The following EYS variants were observed in gnomAD, a reference collection of about 807,000 sequenced individuals.
EYS encodes the protein EGF-like photoreceptor maintenance factor.
A neutral mutation model predicts 282.1 loss-of-function variants in EYS; 250 were observed. The ratio of observed to expected loss-of-function variants is 0.89; its 90% CI spans 0.80 to 0.98. The LOEUF is 0.98. Ranked by LOEUF, EYS falls within the 50% of genes least tolerant of loss-of-function variation. The probability of loss-of-function intolerance (pLI) is 0.00; values close to 1 mark genes in which losing one functional copy is unlikely to be tolerated. For synonymous variants in EYS, 1,355 were observed against 1,282.9 expected, an observed-to-expected ratio of 1.06 and a Z score of -1.20; for missense variants, 4,016 against 3,709.0, an observed-to-expected ratio of 1.08 and a Z score of -2.15.
intron 35 of EYS, among the ~76,000 whole-genome samples, chr6:63,935,040 C>A (rs537879811): frequency 9.9e-5 from 15 of 152,192 alleles, no homozygotes; most frequent in Non-Finnish European, 2.1e-4. Context: ...TTAATAAAAT[C>A]CAAACTCCTA....
rs61327096 is a variant in EYS, at chr6:63,895,148, T to TA, written c.7056-30791dup. Among the ~76,000 whole-genome samples the TA allele has an allele frequency of 6.7e-5, 10 of 149,330 alleles. No individual in the cohort carries two copies. In the East Asian group the frequency reaches 9.8e-4, roughly 15 times the overall value. ...TCATTAAACATGCACTTGTGAGCGA[T>TA]AAAAAAAAAAAAGAATGGAGGCATT... On this transcript the variant is annotated intron_variant, in intron 35 of 42. Coordinates refer to ENST00000503581, the MANE Select transcript of EYS (RefSeq NM_001142800.2).
chr6:65,635,235 A>C (rs1215073629), intron 2 of EYS, among the ~76,000 whole-genome samples: 1 of 152,174 alleles, frequency 6.6e-6, no homozygotes, highest in East Asian at 1.9e-4. Flanking sequence ...GCCTCTTGTC[A>C]ACAGGAAGAA....
intron 12 of EYS, among the ~76,000 whole-genome samples, chr6:65,237,089 T>C (rs935702703): frequency 6.6e-6 from 1 of 152,150 alleles, no homozygotes; most frequent in Non-Finnish European, 1.5e-5. Context: ...AAATCTAAAA[T>C]ATAAGCACAT....
chr6:64,512,962 C>T (rs1777453986), intron 26 of EYS, among the ~76,000 whole-genome samples: 1 of 150,742 alleles, frequency 6.6e-6, no homozygotes, highest in Non-Finnish European at 1.5e-5. Flanking sequence ...TTTGAAAAAG[C>T]AATGAATATA....
chr6:64,507,489 A>T (rs1264051151), intron 26 of EYS, among the ~76,000 whole-genome samples: 1 of 152,230 alleles, frequency 6.6e-6, no homozygotes, highest in Non-Finnish European at 1.5e-5. Flanking sequence ...AGAAGGGGCT[A>T]TTCATCATAT....
chr6:64,162,368 C>T (rs575302691), intron 31 of EYS, among the ~76,000 whole-genome samples: 28 of 152,286 alleles, frequency 1.8e-4, no homozygotes, highest in African/African-American at 6.0e-4. Flanking sequence ...ATGTATCCAG[C>T]TCAGCCAGGG....
chr6:65,103,516 T>A (rs1324567805), intron 12 of EYS, among the ~76,000 whole-genome samples: 3 of 151,438 alleles, frequency 2.0e-5, no homozygotes, highest in Non-Finnish European at 3.0e-5. Flanking sequence ...AGTCTTCCCA[T>A]TTTTGCCTAA....
chr6:64,556,426 A>G (rs1765234414), intron 26 of EYS, among the ~76,000 whole-genome samples: 1 of 152,074 alleles, frequency 6.6e-6, no homozygotes, highest in African/African-American at 2.4e-5. Flanking sequence ...TGAGGAGAGA[A>G]AAGCCTATCA....
At chr6:64,347,957 TTAAAGA>T (rs1210631053) in intron 29 of EYS, among the ~76,000 whole-genome samples, 2 of 151,400 alleles carry the variant, frequency 1.3e-5, no homozygotes, top group African/African-American at 2.4e-5. Flanking sequence ...CATTTTTGTA[TTAAAGA>T]TAAAGATACA....
At chr6:65,062,154 T>G (rs1773595933) in intron 12 of EYS, among the ~76,000 whole-genome samples, 1 of 151,948 alleles carries the variant, frequency 6.6e-6, no homozygotes, top group Non-Finnish European at 1.5e-5. Context: ...CAGGAACTCC[T>G]GGCTTCAATG....
intron 41 of EYS, among the ~76,000 whole-genome samples, chr6:63,756,239 A>C (rs1769480273): frequency 6.6e-6 from 1 of 152,156 alleles, no homozygotes; most frequent in African/African-American, 2.4e-5. Flanking sequence ...GTTTTTGCCC[A>C]TTCAGTATGA....
intron 28 of EYS, among the ~76,000 whole-genome samples, chr6:64,414,047 G>T (rs185674587): frequency 6.6e-6 from 1 of 152,112 alleles, no homozygotes; most frequent in African/African-American, 2.4e-5. Context: ...GTACTTCCTA[G>T]CCTTCAGAAC....
intron 35 of EYS, among the ~76,000 whole-genome samples, chr6:63,879,312 C>T (rs1773065573): frequency 6.6e-6 from 1 of 152,102 alleles, no homozygotes; most frequent in African/African-American, 2.4e-5. Context: ...ATCAATATAA[C>T]TTATTTTAAA....
chr6:64,859,822 G>T (rs150824288), intron 19 of EYS, among the ~76,000 whole-genome samples: 141 of 152,266 alleles, frequency 9.3e-4, no homozygotes, highest in African/African-American at 3.2e-3. Context: ...GTTATTGATA[G>T]AAATAATTAA....
chr6:64,255,036 C>T (rs1767344649), intron 30 of EYS, among the ~76,000 whole-genome samples: 1 of 152,016 alleles, frequency 6.6e-6, no homozygotes, highest in South Asian at 2.1e-4. Context: ...AAATTAAGCA[C>T]AAAATATTTT....
chr6:64,163,301 T>C (rs1193665942), intron 31 of EYS, among the ~76,000 whole-genome samples: 1 of 152,102 alleles, frequency 6.6e-6, no homozygotes, highest in East Asian at 1.9e-4. Flanking sequence ...TTAGCTCTTA[T>C]TTCAATCATT....
intron 22 of EYS, among the ~76,000 whole-genome samples, chr6:64,728,240 T>C (rs945930295): frequency 1.3e-5 from 2 of 151,754 alleles, no homozygotes; most frequent in Non-Finnish European, 2.9e-5. Context: ...GTTACAGTGT[T>C]TTTTTGTTTT....
At chr6:64,877,972 C>T (rs778624476) in intron 19 of EYS, among the ~76,000 whole-genome samples, 2 of 152,130 alleles carry the variant, frequency 1.3e-5, no homozygotes, top group Non-Finnish European at 2.9e-5. Context: ...GTGGCTCATG[C>T]CTGTAATCCC....
chr6:63,887,953 G>T (rs1773308199), intron 35 of EYS, among the ~76,000 whole-genome samples: 1 of 152,176 alleles, frequency 6.6e-6, no homozygotes, highest in Non-Finnish European at 1.5e-5. Context: ...GCTAGAGCTT[G>T]GTGGGGGGAG....
Sources: gnomAD v4.1 joint callset for allele counts (sites outside exome capture counted in the v4.1 genomes callset) on GRCh38, gnomAD v4.1.1 for gene constraint, MANE v1.5 for transcripts, NCBI Gene and HGNC (gene_info 2026-07-23, HGNC 2026-07-21) for gene names.